Variants in RFX2 observed in about 807,000 individuals in gnomAD.
RFX2 encodes the protein regulatory factor X2, also known as DNA-binding protein RFX2.
RFX2 carries 20 observed loss-of-function variants against 87.8 expected under a neutral mutation model. The observed-to-expected ratio is 0.23, with a 90% CI of 0.16 to 0.33. The LOEUF is 0.33. RFX2 is among the 10% of genes least tolerant of loss of function. RFX2 has a pLI of 1.00. For missense variants in RFX2, 767 were observed against 1,012.3 expected, an observed-to-expected ratio of 0.76 and a Z score of 3.29; for synonymous variants, 397 against 431.3, an observed-to-expected ratio of 0.92 and a Z score of 0.98.
chr19:6,069,818 C>G (rs1418842302), intron 1 of RFX2, among the ~76,000 whole-genome samples: 1 of 152,106 alleles, frequency 6.6e-6, no homozygotes, highest in Non-Finnish European at 1.5e-5. Context: ...CCAGATGGCT[C>G]TTTTGAGGAA....
At chr19:6,080,507 G>A (rs1215589991) in intron 1 of RFX2, among the ~76,000 whole-genome samples, 1 of 152,156 alleles carries the variant, frequency 6.6e-6, no homozygotes, top group Non-Finnish European at 1.5e-5. Flanking sequence ...GATCCGGGCT[G>A]TGGTGCAAGG....
rs2087812145 is a variant in RFX2, at chr19:6,083,390, A to G, written c.-9+27003T>C. ...GTGCTGTTCCAATAAATCTTTATTT[A>G]TGGACACTGAAATTTAATTTCATAT... On this transcript the variant is annotated intron_variant, in intron 1 of 17. Transcript: ENST00000303657. The surrounding 1 kb of genome is among the most constrained non-coding windows in gnomAD (Gnocchi z 4.6). Among the ~76,000 whole-genome samples the G allele has an allele frequency of 2.6e-5, 4 of 152,280 alleles. No individual in the cohort carries two copies. The South Asian group carries it at 8.3e-4, about 32-fold the overall frequency.
chr19:6,080,202 ATGTGTGTGTGTGTGTG>A (rs368062995), intron 1 of RFX2, among the ~76,000 whole-genome samples: 7 of 138,412 alleles, frequency 5.1e-5, no homozygotes, highest in South Asian at 2.5e-4. Context: ...TGCCTGGTTA[ATGTGTGTGTGTGTGTG>A]TGTGTGTGTG....
In RFX2 at chr19:6,004,161, C is replaced by CA; in HGVS notation, c.1500+39dup. On this transcript the variant is annotated intron_variant, in intron 13 of 17. Transcript: ENST00000303657. This position sits in a 1 kb window ranked among gnomAD's most constrained non-coding sequence, Gnocchi z 4.8. ...TGCTGTCCTGGACTGGAGCCCCTCC[C>CA]AGCCATCGTTGGGGAGCCCAGGCCC... is the stretch of plus-strand genomic sequence containing the variant. 2 of 1,487,730 alleles carry CA rather than the reference C, an allele frequency of 1.3e-6. No individual in the cohort carries two copies. The highest frequency in any genetic ancestry group is 1.9e-6 in the Non-Finnish European group (2 of 1,064,990). The allele number at this position is 1,487,730 out of a possible 1,614,324, so 92.2% of individuals were successfully genotyped here.
At position 6,055,683 on chromosome 19, in the gene RFX2, T is replaced by C. The variant is rs2087327394; in HGVS notation, c.-8-8179A>G. On this transcript the variant is annotated intron_variant, in intron 1 of 17. Coordinates refer to ENST00000303657, the MANE Select transcript of RFX2 (RefSeq NM_000635.4). ...AAATGATCTGCCCACCTCAGCCTTA[T>C]TCATAGCAGTTTGATTCAGTCACCA... Among the ~76,000 whole-genome samples the C allele has an allele frequency of 3.9e-5, 6 of 152,142 alleles. No homozygotes were observed. In the South Asian group the frequency reaches 1.2e-3, roughly 32 times the overall value.
chr19:6,052,209 G>C (rs1487025355), intron 1 of RFX2, among the ~76,000 whole-genome samples: 2 of 152,130 alleles, frequency 1.3e-5, no homozygotes, highest in Non-Finnish European at 2.9e-5. Flanking sequence ...TGGAGCGGCT[G>C]TAATAATCAG....
rs963336856 is a variant in RFX2, at chr19:6,027,193, G to C, written c.523-956C>G. On this transcript the variant is annotated intron_variant, in intron 5 of 17. Coordinates refer to ENST00000303657, the MANE Select transcript of RFX2 (RefSeq NM_000635.4). The surrounding 1 kb of genome is among the most constrained non-coding windows in gnomAD (Gnocchi z 5.0). The stretch of plus-strand genomic sequence containing the variant: ...GACACTTCTGCAAAGAGCAGGTTGA[G>C]TGTGTATTTCAGAGAGCAGGCGAGC... The C allele has an allele frequency of 6.6e-6, 1 of 152,264 alleles. No individual in the cohort carries two copies. Among genetic ancestry groups the C allele is most frequent in the Non-Finnish European group, 1.5e-5 (1 of 68,056 alleles). The allele number at this position is 152,264 out of a possible 1,614,324, so 9.4% of individuals were successfully genotyped here.
Position 6,050,798 on chromosome 19 carries a change from T to C in RFX2, c.-8-3294A>G, listed in dbSNP as rs956291420. 6.6e-5 allele frequency among the ~76,000 whole-genome samples: 10 copies of C among 152,140 alleles called. No individual in the cohort carries two copies. The highest frequency in any genetic ancestry group is 2.2e-4 in the African/African-American group (9 of 41,438). On this transcript the variant is annotated intron_variant, in intron 1 of 17. Coordinates refer to ENST00000303657, the MANE Select transcript of RFX2 (RefSeq NM_000635.4). This position sits in a 1 kb window ranked among gnomAD's most constrained non-coding sequence, Gnocchi z 4.6. ...AAACACCTCTACATTGGGTGATGGA[T>C]ATCAACTTAGAGGTCCAAAAATCTC...
chr19:6,102,842 T>C (rs935614079), intron 1 of RFX2, among the ~76,000 whole-genome samples: 1 of 152,236 alleles, frequency 6.6e-6, no homozygotes, highest in Admixed American at 6.5e-5. Context: ...AAGCCTCTTA[T>C]GGCCAGGCAC....
intron 1 of RFX2, among the ~76,000 whole-genome samples, chr19:6,051,740 G>C (rs2087268582): frequency 6.6e-6 from 1 of 152,106 alleles, no homozygotes. Flanking sequence ...TGAAAAGGCA[G>C]AAATGATCAG....
At chr19:6,060,284 A>C (rs1441508119) in intron 1 of RFX2, among the ~76,000 whole-genome samples, 1 of 152,160 alleles carries the variant, frequency 6.6e-6, no homozygotes, top group African/African-American at 2.4e-5. Context: ...GTGCTCCAAC[A>C]GCAGAGGCGA....
intron 1 of RFX2, among the ~76,000 whole-genome samples, chr19:6,069,516 G>A (rs1258006319): frequency 6.6e-6 from 1 of 152,168 alleles, no homozygotes; most frequent in East Asian, 1.9e-4. Context: ...AGACTATCTG[G>A]GCTCACCAAG....
At chr19:6,067,790 G>A (rs141661262) in intron 1 of RFX2, among the ~76,000 whole-genome samples, 101 of 152,294 alleles carry the variant, frequency 6.6e-4, no homozygotes, top group African/African-American at 2.3e-3. Flanking sequence ...CTGCAGCCTC[G>A]ATGGGTCAAC....
chr19:6,013,465 C>T lies in RFX2; in HGVS notation c.780-360G>A, dbSNP rs186478449. On this transcript the variant is annotated intron_variant, in intron 7 of 17. Coordinates refer to ENST00000303657, the MANE Select transcript of RFX2 (RefSeq NM_000635.4). The surrounding 1 kb of genome is among the most constrained non-coding windows in gnomAD (Gnocchi z 4.1). Reference sequence around the variant, plus strand: ...CCTCCCAAAGTGCTGGGATTACAGGCGTGAGCCACTGCGCCTGGCCTCTTC... The same window carrying T: ...CCTCCCAAAGTGCTGGGATTACAGGTGTGAGCCACTGCGCCTGGCCTCTTC... 4.8e-4 allele frequency among the ~76,000 whole-genome samples: 72 copies of T among 150,558 alleles called. No individual in the cohort carries two copies. Among genetic ancestry groups the T allele is most frequent in the African/African-American group, 1.5e-3 (62 of 40,882 alleles).
At chr19:6,018,697 G>A (rs112863420) in intron 6 of RFX2, among the ~76,000 whole-genome samples, 2,568 of 152,316 alleles carry the variant, frequency 0.017, 82 homozygotes, top group African/African-American at 0.059. Flanking sequence ...ACCCAGCAGG[G>A]GCACTGCCCA....
chr19:6,103,254 C>T (rs2088157184), intron 1 of RFX2, among the ~76,000 whole-genome samples: 1 of 152,150 alleles, frequency 6.6e-6, no homozygotes. Flanking sequence ...GTATCATCTA[C>T]AGGCAGTGGC....
chr19:6,086,571 G>T (rs908861610), intron 1 of RFX2, among the ~76,000 whole-genome samples: 1 of 152,168 alleles, frequency 6.6e-6, no homozygotes, highest in African/African-American at 2.4e-5. Flanking sequence ...TGTTATGCAT[G>T]GCATGACTGC....
At position 6,010,166 on chromosome 19, in the gene RFX2, C is replaced by T. The variant is rs34026770; in HGVS notation, c.985G>A (p.Val329Met). 8.4e-4 allele frequency: 1,306 copies of T among 1,548,538 alleles called. 9 individuals are homozygous for T. The African/African-American group carries it at 0.016, about 19-fold the overall frequency. Reference sequence around the variant, plus strand: ...TACTGCTGGTGGTGCTGGCTCTGCACGGCCATGGTCTGTTCCGGAGTGCTG... The same window carrying T: ...TACTGCTGGTGGTGCTGGCTCTGCATGGCCATGGTCTGTTCCGGAGTGCTG... ...LHSTPEQTMAVQSQHHQQYID... is the reference protein window; with the variant it reads ...LHSTPEQTMAMQSQHHQQYID... Residue 329 changes from valine (V) to methionine (M), a missense_variant, in exon 9 of 18, where the codon GTG becomes ATG. By Grantham distance (21) the Val-to-Met change is conservative. This residue lies in a region of RFX2 where 621 missense variants were observed against 873.0 expected (regional missense o/e 0.71). Coordinates refer to ENST00000303657, the MANE Select transcript of RFX2 (RefSeq NM_000635.4). The surrounding 1 kb of genome is among the most constrained non-coding windows in gnomAD (Gnocchi z 5.0).
intron 15 of RFX2, among the ~76,000 whole-genome samples, chr19:6,000,902 G>A (rs1427580140): frequency 6.6e-6 from 1 of 152,212 alleles, no homozygotes; most frequent in Non-Finnish European, 1.5e-5. Flanking sequence ...GTTTTTTCCT[G>A]GGGTAATAAC....
Sources: allele counts gnomAD v4.1 joint callset (sites outside exome capture counted in the v4.1 genomes callset), GRCh38; gene constraint gnomAD v4.1.1; regional missense constraint gnomAD v4.1.1; non-coding constraint Gnocchi (gnomAD v3.1); transcripts MANE v1.5; gene names NCBI Gene and HGNC (gene_info 2026-07-23, HGNC 2026-07-21).